The following GTF2A1L variants were observed in gnomAD, a reference collection of about 807,000 sequenced individuals.
The protein encoded by GTF2A1L is TFIIA-alpha and beta-like factor.
A neutral mutation model predicts 49.7 loss-of-function variants in GTF2A1L; 48 were observed. The ratio of observed to expected loss-of-function variants is 0.97; its 90% CI spans 0.77 to 1.23. The LOEUF is 1.23. Ranked by LOEUF, GTF2A1L falls within the 50% of genes most tolerant of loss-of-function variation. The probability of loss-of-function intolerance (pLI) is 0.00; values close to 1 mark genes in which losing one functional copy is unlikely to be tolerated. For synonymous variants in GTF2A1L, 246 were observed against 193.5 expected (o/e 1.27, Z -2.25); for missense variants, 736 against 564.8 (o/e 1.30, Z -3.07).
intron 8 of GTF2A1L, 41 bp downstream of exon 8, chr2:48,671,721 A>G (rs1572778052): frequency 1.3e-6 from 2 of 1,546,024 alleles, no homozygotes; most frequent in Non-Finnish European, 1.8e-6. Context: ...TATTAACTGC[A>G]TTTATAGTAG....
In GTF2A1L at chr2:48,671,478, A is replaced by G. The variant is rs146339278; in HGVS notation, c.1240-113A>G. On this transcript the variant is annotated intron_variant, in intron 7 of 8. Coordinates refer to ENST00000403751, the MANE Select transcript of GTF2A1L (RefSeq NM_006872.5). ...CTAGGCCTCCCGTAGTGCTGGGATT[A>G]TAGGAATGAGCCACCACGCCGAGAC... 5 of 1,080,384 alleles carry G rather than the reference A, an allele frequency of 4.6e-6. No individual in the cohort carries two copies. The South Asian group carries it at 5.6e-5, about 12-fold the overall frequency. The allele number at this position is 1,080,384 out of a possible 1,614,324, so 66.9% of individuals were successfully genotyped here. A position where few individuals can be genotyped will look rare whatever the true frequency, so the allele number is the denominator to read the frequency against.
rs758704061 is a variant in GTF2A1L, at chr2:48,669,692, G to T, written c.979-30G>T. On this transcript the variant is annotated intron_variant, in intron 6 of 8. Coordinates refer to ENST00000403751, the MANE Select transcript of GTF2A1L (RefSeq NM_006872.5). ...ATATTTTATATACCTTATTTGACTT[G>T]AACTTTATTGTATTTCTTTCTCTTT... 1.9e-6 allele frequency: 3 copies of T among 1,583,080 alleles called. No homozygotes were observed. In the South Asian group the frequency reaches 3.5e-5, roughly 19 times the overall value.
chr2:48,621,370 G>C, intron 3 of GTF2A1L, 80 bp downstream of exon 3: 4 of 1,595,912 alleles, frequency 2.5e-6, no homozygotes, highest in Middle Eastern at 1.8e-4. Context: ...AGTTAGACAG[G>C]GTAATGTTCT....
intron 3 of GTF2A1L, among the ~76,000 whole-genome samples, chr2:48,622,633 C>A (rs1024281280): frequency 6.6e-6 from 1 of 151,994 alleles, no homozygotes; most frequent in Non-Finnish European, 1.5e-5. Flanking sequence ...CCAGCCTGGC[C>A]AACATGGCGA....
chr2:48,620,041 A>T (rs1675893192), intron 1 of GTF2A1L, among the ~76,000 whole-genome samples: 2 of 152,154 alleles, frequency 1.3e-5, no homozygotes, highest in Non-Finnish European at 2.9e-5. Flanking sequence ...ATGAGCTTTA[A>T]TTGCTCTATT....
intron 6 of GTF2A1L, among the ~76,000 whole-genome samples, chr2:48,665,076 C>T (rs1678739431): frequency 1.3e-5 from 2 of 152,008 alleles, no homozygotes; most frequent in Admixed American, 1.3e-4. Context: ...TGTGTGCCAC[C>T]ACACCTGACT....
intron 8 of GTF2A1L, among the ~76,000 whole-genome samples, chr2:48,677,292 A>T (rs1291874255): frequency 7.2e-5 from 11 of 151,964 alleles, no homozygotes; most frequent in Non-Finnish European, 1.6e-4. Flanking sequence ...TGTTATTTTA[A>T]TGATGCTGGG....
At chr2:48,650,166 T>C (rs1449868043) in intron 6 of GTF2A1L, among the ~76,000 whole-genome samples, 1 of 152,230 alleles carries the variant, frequency 6.6e-6, no homozygotes, top group Admixed American at 6.5e-5. Flanking sequence ...CAGTTACATT[T>C]ATCTTTGTAT....
Position 48,642,419 on chromosome 2 carries a change from G to C in GTF2A1L, c.265G>C (p.Ala89Pro), listed in dbSNP as rs549984931. 1.3e-6 allele frequency: 2 copies of C among 1,590,792 alleles called. No individual in the cohort carries two copies. Among genetic ancestry groups the C allele is most frequent in the Non-Finnish European group, 1.7e-6 (2 of 1,164,824 alleles). The part of the protein sequence containing the change: ...QSSTASLVIP[A>P]GRTLPSFTTA... ...CTATGCAGCATCATTAGTTATTCCT[G>C]CTGGTAGAACTCTTCCAAGTTTTAC... Residue 89 changes from alanine to proline, a missense_variant, in exon 4 of 9, where the codon GCT becomes CCT. By Grantham distance (27) the Ala-to-Pro change is conservative. Coordinates refer to ENST00000403751, the MANE Select transcript of GTF2A1L (RefSeq NM_006872.5).
At chr2:48,633,914 T>G (rs56086985) in intron 3 of GTF2A1L, among the ~76,000 whole-genome samples, 20,324 of 152,096 alleles carry the variant, frequency 0.13, 1,620 homozygotes, top group African/African-American at 0.22. Context: ...ATTGTTGGTT[T>G]AAAGTCTGTT....
chr2:48,653,904 G>C (rs972974990), intron 6 of GTF2A1L, among the ~76,000 whole-genome samples: 1 of 133,020 alleles, frequency 7.5e-6, no homozygotes, highest in Non-Finnish European at 1.5e-5. Context: ...CTGGGAGACA[G>C]AGTGAGACTG....
chr2:48,617,909 C>G lies in GTF2A1L; in HGVS notation c.21+14C>G. 1 of 1,551,788 alleles carries G rather than the reference C, an allele frequency of 6.4e-7. No individual in the cohort carries two copies. Among genetic ancestry groups the G allele is most frequent in the Non-Finnish European group, 8.7e-7 (1 of 1,147,006 alleles). Reference sequence around the variant, plus strand: ...CTCAACCCGGTGGTAAGGAAGACCTCAGGCTCTGTGTAGAGGGAGCGCCCT... The same window carrying G: ...CTCAACCCGGTGGTAAGGAAGACCTGAGGCTCTGTGTAGAGGGAGCGCCCT... On this transcript the variant is annotated intron_variant, in intron 1 of 8. Transcript: ENST00000403751.
chr2:48,640,796 A>G (rs1677157900), intron 3 of GTF2A1L, among the ~76,000 whole-genome samples: 1 of 152,222 alleles, frequency 6.6e-6, no homozygotes, highest in Non-Finnish European at 1.5e-5. Flanking sequence ...TTACTTTGTT[A>G]TTAAAACCAT....
intron 4 of GTF2A1L, among the ~76,000 whole-genome samples, chr2:48,644,465 C>T (rs889366806): frequency 1.3e-5 from 2 of 152,072 alleles, no homozygotes; most frequent in African/African-American, 4.8e-5. Context: ...TAAATTATTT[C>T]CAGCATTTTT....
intron 7 of GTF2A1L, 41 bp from the exon 8 acceptor site, chr2:48,671,550 G>A: frequency 6.3e-7 from 1 of 1,584,422 alleles, no homozygotes; most frequent in Non-Finnish European, 8.6e-7. Context: ...ACAATTTAAA[G>A]CATCATAAAA....
At chr2:48,659,789 T>G (rs1158304107) in intron 6 of GTF2A1L, among the ~76,000 whole-genome samples, 2 of 152,164 alleles carry the variant, frequency 1.3e-5, no homozygotes, top group African/African-American at 2.4e-5. Flanking sequence ...TTTGTTGAAA[T>G]GCAGCTGATT....
intron 3 of GTF2A1L, among the ~76,000 whole-genome samples, chr2:48,623,182 C>T (rs1676106773): frequency 6.6e-6 from 1 of 152,110 alleles, no homozygotes; most frequent in South Asian, 2.1e-4. Context: ...AATAAATAGT[C>T]TCATAAAATT....
chr2:48,666,505 C>T (rs34003293), intron 6 of GTF2A1L, among the ~76,000 whole-genome samples: 33,410 of 151,978 alleles, frequency 0.22, 3,793 homozygotes, highest in South Asian at 0.25. Flanking sequence ...GCTAATTTAA[C>T]CCAGTATGAT....
intron 4 of GTF2A1L, among the ~76,000 whole-genome samples, chr2:48,643,650 G>T (rs1677326518): frequency 6.6e-6 from 1 of 151,664 alleles, no homozygotes; most frequent in Non-Finnish European, 1.5e-5. Context: ...AGTGCTTTGG[G>T]AGACTGAGGT....
Sources: allele counts gnomAD v4.1 joint callset (sites outside exome capture counted in the v4.1 genomes callset), GRCh38; gene constraint gnomAD v4.1.1; transcripts MANE v1.5; gene names NCBI Gene and HGNC (gene_info 2026-07-23, HGNC 2026-07-21).